SLC38A6: variants seen among roughly 807,000 people sequenced by gnomAD.
The protein encoded by SLC38A6 is N system amino acid transporter NAT-1.
A neutral mutation model predicts 65.0 loss-of-function variants in SLC38A6; 73 were observed. That is an observed-to-expected ratio of 1.12 (90% CI 0.93 to 1.37). The LOEUF (loss-of-function observed/expected upper bound fraction) is 1.37, where lower values mean the gene tolerates loss of function less well. Among genes scored for constraint, SLC38A6 ranks in the 40% most tolerant of loss-of-function variants. The pLI is 0.00. For synonymous variants in SLC38A6, 183 were observed against 178.8 expected (o/e 1.02, Z -0.19); for missense variants, 561 against 531.1 (o/e 1.06, Z -0.55).
intron 6 of SLC38A6, among the ~76,000 whole-genome samples, chr14:61,035,178 G>A (rs545205868): frequency 4.6e-5 from 7 of 152,152 alleles, no homozygotes; most frequent in South Asian, 2.1e-4. Context: ...ACTATTGTGC[G>A]TGTGTATGTA....
intron 3 of SLC38A6, 110 bp from the exon 4 acceptor site, chr14:61,015,794 A>T (rs1032393357): frequency 1.4e-6 from 1 of 711,558 alleles, no homozygotes; most frequent in African/African-American, 1.8e-5. Context: ...ATTGGCCTGG[A>T]TCATAAGAAT....
At chr14:61,011,696 G>A (rs1045971811) in intron 3 of SLC38A6, among the ~76,000 whole-genome samples, 91 of 152,240 alleles carry the variant, frequency 6.0e-4, no homozygotes, top group African/African-American at 1.9e-3. Context: ...ATTGATTTGC[G>A]TATGTTGAAC....
At chr14:61,029,536 G>A (rs982879765) in intron 5 of SLC38A6, among the ~76,000 whole-genome samples, 4 of 152,136 alleles carry the variant, frequency 2.6e-5, no homozygotes, top group African/African-American at 7.2e-5. Context: ...CAAATCTTCT[G>A]AGTTTCTATA....
At chr14:61,064,031 C>T (rs2042944685) in intron 15 of SLC38A6, among the ~76,000 whole-genome samples, 2 of 152,208 alleles carry the variant, frequency 1.3e-5, no homozygotes, top group Admixed American at 1.3e-4. Flanking sequence ...ATTTCTTCAT[C>T]TTGCATGAGA....
rs759723970 is a variant in SLC38A6 at position 61,037,080 on chromosome 14, A to G, written c.504A>G (p.Gln168=). 3.1e-6 allele frequency: 5 copies of G among 1,611,184 alleles called. No individual in the cohort carries two copies. The highest frequency in any genetic ancestry group is 3.4e-6 in the Non-Finnish European group (4 of 1,178,902). Residue 168 remains glutamine, a synonymous_variant, in exon 7 of 16, where the codon CAA becomes CAG. Transcript: ENST00000267488. ...ATAGATATTGGTATCTTGATGGACA[A>G]ACACTACTAATAATCATATGTGTTG... ...DYSRYWYLDG[Q]TLLIIICVGI... is the part of the protein sequence containing the mutation.
At chr14:61,074,931 A>G (rs1021485602) in intron 15 of SLC38A6, among the ~76,000 whole-genome samples, 1 of 151,964 alleles carries the variant, frequency 6.6e-6, no homozygotes, top group Non-Finnish European at 1.5e-5. Context: ...CAGCAATGTG[A>G]GTTTACTAAA....
chr14:61,046,758 C>G (rs767036324), intron 12 of SLC38A6, among the ~76,000 whole-genome samples: 5 of 152,104 alleles, frequency 3.3e-5, no homozygotes, highest in Non-Finnish European at 7.4e-5. Context: ...TTTGCAAAAA[C>G]TGTCTGCTTT....
intron 3 of SLC38A6, among the ~76,000 whole-genome samples, chr14:61,006,708 CACTT>C (rs1243078509): frequency 2.6e-5 from 4 of 152,316 alleles, no homozygotes; most frequent in East Asian, 1.9e-4. Flanking sequence ...GAAATAGAAA[CACTT>C]ACACTGTTGG....
At chr14:60,984,441 C>T (rs2037301565) in intron 2 of SLC38A6, among the ~76,000 whole-genome samples, 1 of 151,380 alleles carries the variant, frequency 6.6e-6, no homozygotes. Flanking sequence ...ATGGCTGATT[C>T]AGCAGTCAGC....
chr14:61,067,799 T>G lies in SLC38A6; in HGVS notation c.1291-11011T>G, dbSNP rs150001992. Reference sequence around the variant, plus strand: ...ATCTATGTGTTAAATTTCATCCTGTTAGCTTCAGTGCACCACTTAAGCAGT... The same window carrying G: ...ATCTATGTGTTAAATTTCATCCTGTGAGCTTCAGTGCACCACTTAAGCAGT... On this transcript the variant is annotated intron_variant, in intron 15 of 16. Coordinates refer to the SLC38A6 transcript ENST00000354886. 2.1e-3 allele frequency among the ~76,000 whole-genome samples: 314 copies of G among 152,312 alleles called. 1 individual carries two copies. The highest frequency in any genetic ancestry group is 7.2e-3 in the African/African-American group (298 of 41,560).
intron 15 of SLC38A6, among the ~76,000 whole-genome samples, chr14:61,064,343 C>G (rs2042955823): frequency 6.6e-6 from 1 of 151,950 alleles, no homozygotes; most frequent in Non-Finnish European, 1.5e-5. Context: ...TCCAGTAATA[C>G]CAAAATAACC....
intron 16 of SLC38A6, among the ~76,000 whole-genome samples, chr14:61,081,651 T>C (rs2043656919): frequency 6.6e-6 from 1 of 152,060 alleles, no homozygotes; most frequent in Non-Finnish European, 1.5e-5. Flanking sequence ...GCCACTGCAC[T>C]CCAGCCTGGG....
intron 3 of SLC38A6, among the ~76,000 whole-genome samples, chr14:61,013,206 C>G (rs1490877633): frequency 6.6e-6 from 1 of 152,090 alleles, no homozygotes; most frequent in African/African-American, 2.4e-5. Context: ...AGGATTGCAA[C>G]CCCTGCCTTT....
chr14:61,003,622 A>G (rs2038863111), intron 3 of SLC38A6, among the ~76,000 whole-genome samples: 1 of 152,186 alleles, frequency 6.6e-6, no homozygotes, highest in Non-Finnish European at 1.5e-5. Flanking sequence ...CAGAATTTTA[A>G]AAGTATTTCC....
At chr14:61,017,973 G>T (rs187814705) in intron 4 of SLC38A6, among the ~76,000 whole-genome samples, 104 of 152,228 alleles carry the variant, frequency 6.8e-4, no homozygotes, top group Non-Finnish European at 1.4e-3. Context: ...ACTTGTTAAA[G>T]ATTTATTTCA....
At chr14:60,999,212 G>C (rs1018943648) in intron 3 of SLC38A6, among the ~76,000 whole-genome samples, 2 of 152,204 alleles carry the variant, frequency 1.3e-5, no homozygotes, top group African/African-American at 4.8e-5. Flanking sequence ...GGAATCCACT[G>C]TTGGTTGCTT....
At chr14:61,046,396 CACTT>C (rs1487358047) in intron 12 of SLC38A6, among the ~76,000 whole-genome samples, 3 of 152,142 alleles carry the variant, frequency 2.0e-5, no homozygotes, top group African/African-American at 7.2e-5. Context: ...TTTTCTTAAA[CACTT>C]AAGTAAAACT....
chr14:61,052,994 C>T (rs1244643172), downstream of SLC38A6: 2 of 152,134 alleles, frequency 1.3e-5, no homozygotes, highest in African/African-American at 2.4e-5. Context: ...AGGTATTAAA[C>T]CCAGTACTCA....
chr14:61,006,820 T>C (rs1209483508), intron 3 of SLC38A6, among the ~76,000 whole-genome samples: 3 of 152,140 alleles, frequency 2.0e-5, no homozygotes, highest in African/African-American at 7.2e-5. Flanking sequence ...ATCCCATTAC[T>C]GGGTATATAC....
Sources: gnomAD v4.1 joint callset for allele counts (sites outside exome capture counted in the v4.1 genomes callset) on GRCh38, gnomAD v4.1.1 for gene constraint, MANE v1.5 for transcripts, NCBI Gene and HGNC (gene_info 2026-07-23, HGNC 2026-07-21) for gene names.